Variants in MCTP2 observed in about 807,000 individuals in gnomAD.
The protein encoded by MCTP2 is multiple C2 and transmembrane domain-containing protein 2.
In MCTP2, 132 loss-of-function variants were observed where a neutral mutation model predicts 111.6. The ratio of observed to expected loss-of-function variants is 1.18; its 90% CI spans 1.03 to 1.37. The LOEUF (loss-of-function observed/expected upper bound fraction) is 1.37, where lower values mean the gene tolerates loss of function less well. Among genes scored for constraint, MCTP2 ranks in the 40% most tolerant of loss-of-function variants. The probability of loss-of-function intolerance (pLI) is 0.00; values close to 1 mark genes in which losing one functional copy is unlikely to be tolerated. For missense variants in MCTP2, 1,183 were observed against 1,067.9 expected, an observed-to-expected ratio of 1.11 and a Z score of -1.50; for synonymous variants, 395 against 387.7, an observed-to-expected ratio of 1.02 and a Z score of -0.22.
At chr15:94,367,829 C>A in intron 11 of MCTP2, 38 bp downstream of exon 11, 1 of 1,519,938 alleles carries the variant, frequency 6.6e-7, no homozygotes, top group South Asian at 1.2e-5. Flanking sequence ...CCCCTCCTCC[C>A]ACCTTCTCTT....
chr15:94,276,781 GA>G (rs916559142), intron 1 of MCTP2, among the ~76,000 whole-genome samples: 29 of 145,922 alleles, frequency 2.0e-4, no homozygotes, highest in African/African-American at 7.4e-4. Context: ...ACAGATGCAG[GA>G]AAAAAATCTT....
intron 21 of MCTP2, among the ~76,000 whole-genome samples, chr15:94,471,492 T>C (rs969319480): frequency 6.6e-6 from 1 of 152,100 alleles, no homozygotes; most frequent in Admixed American, 6.5e-5. Flanking sequence ...ACTTGGGCAA[T>C]AGGAAAAAGT....
chr15:94,370,219 T>C (rs754669113), intron 12 of MCTP2, 39 bp downstream of exon 12: 62 of 1,530,082 alleles, frequency 4.1e-5, no homozygotes, highest in Middle Eastern at 1.7e-4. Flanking sequence ...TCTTTATTTA[T>C]TTCCTGCTTT....
At chr15:94,447,373 TTGTGTG>T (rs148584250) in intron 19 of MCTP2, among the ~76,000 whole-genome samples, 5 of 151,216 alleles carry the variant, frequency 3.3e-5, no homozygotes, top group African/African-American at 1.2e-4. Flanking sequence ...TATAATTCAT[TTGTGTG>T]TGTGTGTGTG....
intron 1 of MCTP2, among the ~76,000 whole-genome samples, chr15:94,288,488 A>G (rs569889478): frequency 1.2e-4 from 18 of 152,394 alleles, no homozygotes; most frequent in African/African-American, 3.6e-4. Flanking sequence ...ATTGAAAACT[A>G]AACTGATAAT....
chr15:94,345,324 A>T (rs2077918045), intron 8 of MCTP2, among the ~76,000 whole-genome samples, 160 bp downstream of exon 8: 1 of 126,130 alleles, frequency 7.9e-6, no homozygotes, highest in Admixed American at 9.0e-5. Context: ...TCCTTTAAAA[A>T]TTTTATTTAA....
At chr15:94,341,672 A>G (rs2077647772) in intron 7 of MCTP2, 3 of 152,116 alleles carry the variant, frequency 2.0e-5, no homozygotes, top group Admixed American at 6.5e-5. Flanking sequence ...GCTTTTTATG[A>G]TGAAAACCGT....
At chr15:94,244,087 T>TGTGTATATGTTTATATACAC in intron 1 of MCTP2, among the ~76,000 whole-genome samples, 1 of 54,804 alleles carries the variant, frequency 1.8e-5, no homozygotes, top group African/African-American at 6.4e-5. Flanking sequence ...TATGCACACA[T>TGTGTATATGTTTATATACAC]ATGTATACAC....
intron 1 of MCTP2, among the ~76,000 whole-genome samples, chr15:94,296,389 C>T: frequency 6.6e-6 from 1 of 152,114 alleles, no homozygotes; most frequent in South Asian, 2.1e-4. Context: ...GTAATTGAAA[C>T]AATTTTAAAA....
intron 11 of MCTP2, 60 bp downstream of exon 11, chr15:94,367,851 T>G (rs534986636): frequency 1.5e-5 from 21 of 1,413,072 alleles, no homozygotes; most frequent in Admixed American, 2.6e-5. Flanking sequence ...TAAAACAAAG[T>G]CTTTATTGAA....
Position 94,407,775 on chromosome 15 carries a change from G to GCACA in MCTP2, c.2085+5795_2085+5798dup, listed in dbSNP as rs57851445. Among the ~76,000 whole-genome samples the GCACA allele has an allele frequency of 1.1e-3, 165 of 147,800 alleles. 1 individual carries two copies. Among genetic ancestry groups the GCACA allele is most frequent in the South Asian group, 5.5e-3 (25 of 4,548 alleles). ...ACCCTTCCAACACACATGTACTTGT[G>GCACA]CACACACACACACACACACACACAC... On this transcript the variant is annotated intron_variant, in intron 17 of 22. Transcript: ENST00000357742.
At chr15:94,370,830 A>G (rs903488688) in intron 12 of MCTP2, among the ~76,000 whole-genome samples, 5 of 152,216 alleles carry the variant, frequency 3.3e-5, no homozygotes, top group Non-Finnish European at 7.3e-5. Flanking sequence ...CTGACTAACA[A>G]TTTAGCCGCC....
At chr15:94,252,481 T>C (rs575790602) in intron 1 of MCTP2, among the ~76,000 whole-genome samples, 2 of 152,332 alleles carry the variant, frequency 1.3e-5, no homozygotes, top group African/African-American at 4.8e-5. Flanking sequence ...ATTCTAGTAA[T>C]GTCTCCATCT....
chr15:94,299,735 T>C (rs2075510390), intron 2 of MCTP2, among the ~76,000 whole-genome samples: 1 of 152,220 alleles, frequency 6.6e-6, no homozygotes, highest in Non-Finnish European at 1.5e-5. Flanking sequence ...AGTGTTACAA[T>C]TGCCTAGAAA....
intron 8 of MCTP2, among the ~76,000 whole-genome samples, chr15:94,353,224 A>G (rs931741617): frequency 6.6e-6 from 1 of 152,150 alleles, no homozygotes. Context: ...GAAAGTGGAT[A>G]TTTCCCAGGG....
chr15:94,303,300 T>C (rs1012046581), intron 2 of MCTP2, among the ~76,000 whole-genome samples: 4 of 151,588 alleles, frequency 2.6e-5, no homozygotes, highest in African/African-American at 9.7e-5. Flanking sequence ...GATTCGGATG[T>C]TTGAGGGCAG....
chr15:94,382,396 C>T (rs2080190028), intron 12 of MCTP2, among the ~76,000 whole-genome samples: 1 of 152,220 alleles, frequency 6.6e-6, no homozygotes, highest in Non-Finnish European at 1.5e-5. Flanking sequence ...ACCCTCACTC[C>T]TTCCTTTATG....
chr15:94,278,443 G>A (rs1271999416), intron 1 of MCTP2, among the ~76,000 whole-genome samples: 1 of 152,088 alleles, frequency 6.6e-6, no homozygotes, highest in African/African-American at 2.4e-5. Context: ...GATAAACAAA[G>A]AAATATCACC....
intron 4 of MCTP2, among the ~76,000 whole-genome samples, chr15:94,324,040 G>C (rs576182427): frequency 7.9e-5 from 12 of 152,316 alleles, no homozygotes; most frequent in African/African-American, 2.9e-4. Context: ...TAAACTTTGA[G>C]ACTGGTAAAG....
Sources: allele counts gnomAD v4.1 joint callset (sites outside exome capture counted in the v4.1 genomes callset), GRCh38; gene constraint gnomAD v4.1.1; transcripts MANE v1.5; gene names NCBI Gene and HGNC (gene_info 2026-07-23, HGNC 2026-07-21).